TUSC3: variants seen among roughly 807,000 people sequenced by gnomAD.
The protein encoded by TUSC3 is tumor suppressor candidate 3, also known as dolichyl-diphosphooligosaccharide--protein glycosyltransferase subunit TUSC3.
TUSC3 carries 45 observed loss-of-function variants against 44.8 expected under a neutral mutation model. The ratio of observed to expected loss-of-function variants is 1.00; its 90% CI spans 0.79 to 1.29. The LOEUF is 1.29. Among genes scored for constraint, TUSC3 ranks in the 50% most tolerant of loss-of-function variants. TUSC3 has a pLI of 0.00. For synonymous variants in TUSC3, 212 were observed against 152.9 expected, an observed-to-expected ratio of 1.39 and a Z score of -2.85; for missense variants, 519 against 437.9, an observed-to-expected ratio of 1.19 and a Z score of -1.65.
intron 1 of TUSC3, among the ~76,000 whole-genome samples, chr8:15,418,368 A>G (rs1295462942): frequency 6.6e-6 from 1 of 152,202 alleles, no homozygotes; most frequent in African/African-American, 2.4e-5. Context: ...TTTCAAACAA[A>G]ATCATTTTTT....
intron 2 of TUSC3, among the ~76,000 whole-genome samples, chr8:15,639,472 A>T (rs1806261510): frequency 6.6e-6 from 1 of 152,220 alleles, no homozygotes; most frequent in Non-Finnish European, 1.5e-5. Flanking sequence ...ACGGTGCTTT[A>T]TTTCTCTAAA....
intron 2 of TUSC3, among the ~76,000 whole-genome samples, chr8:15,500,684 C>G (rs1487120212): frequency 6.6e-6 from 1 of 152,154 alleles, no homozygotes. Context: ...TCAGTAAAAA[C>G]AGCAAATCAT....
Position 15,556,087 on chromosome 8 carries a change from A to G in TUSC3, c.138+15519A>G, listed in dbSNP as rs191626449. On this transcript the variant is annotated intron_variant, in intron 1 of 10. Coordinates refer to ENST00000503731, the MANE Select transcript of TUSC3 (RefSeq NM_006765.4). ...TAGTTACATATGTATACATGTGCCA[A>G]GCTGGTGCACTGCACCCACTAACTC... 6.5e-3 allele frequency among the ~76,000 whole-genome samples: 985 copies of G among 150,654 alleles called. 26 individuals are homozygous for G. Among genetic ancestry groups the G allele is most frequent in the Middle Eastern group, 0.017 (5 of 292 alleles).
chr8:15,738,702 C>T (rs1249171521), intron 7 of TUSC3, among the ~76,000 whole-genome samples: 1 of 151,934 alleles, frequency 6.6e-6, no homozygotes, highest in Admixed American at 6.6e-5. Flanking sequence ...TCTTTCATTC[C>T]CTGCAATCAT....
intron 7 of TUSC3, among the ~76,000 whole-genome samples, chr8:15,738,827 C>CTTTTTTTTTTCTTTCTTTTTTTTTTTCTT (rs1373248681): frequency 1.1e-5 from 1 of 87,172 alleles, no homozygotes; most frequent in Middle Eastern, 0.01. Context: ...ATATATCTTG[C>CTTTTTTTTTTCTTTCTTTTTTTTTTTCTT]TTTTTTTTTT....
chr8:15,689,874 A>ATG (rs1554475591), intron 6 of TUSC3, among the ~76,000 whole-genome samples: 1 of 149,954 alleles, frequency 6.7e-6, no homozygotes, highest in African/African-American at 2.5e-5. Flanking sequence ...ATAAATATAT[A>ATG]TATATATGCA....
At chr8:15,572,242 T>C (rs921093966) in intron 1 of TUSC3, among the ~76,000 whole-genome samples, 1 of 152,210 alleles carries the variant, frequency 6.6e-6, no homozygotes, top group African/African-American at 2.4e-5. Context: ...CTGCAGCTTC[T>C]TGCAGCATAA....
rs1341480664 is a variant in TUSC3, at chr8:15,548,169, CCAAA to C, written c.138+7603_138+7606del. Among the ~76,000 whole-genome samples, 18 of 151,396 alleles carry C rather than the reference CCAAA, an allele frequency of 1.2e-4. 1 individual carries two copies. The highest frequency in any genetic ancestry group is 2.2e-4 in the Non-Finnish European group (15 of 67,792). Reference sequence around the variant, plus strand: ...GTTTATGGTAATTTGTTATAGCAGCCCAAACGAACGAAGACAATTGTATATAATT... The same window carrying C: ...GTTTATGGTAATTTGTTATAGCAGCCCGAACGAAGACAATTGTATATAATT... On this transcript the variant is annotated intron_variant, in intron 1 of 10. Transcript: ENST00000503731.
At chr8:15,615,785 C>CGTTT (rs1174432613) in intron 1 of TUSC3, among the ~76,000 whole-genome samples, 1 of 151,908 alleles carries the variant, frequency 6.6e-6, no homozygotes, top group East Asian at 1.9e-4. Flanking sequence ...AAATACAGGA[C>CGTTT]GTTTATACAC....
intron 1 of TUSC3, among the ~76,000 whole-genome samples, chr8:15,459,852 G>A (rs899796024): frequency 2.8e-5 from 4 of 143,444 alleles, no homozygotes; most frequent in East Asian, 2.0e-4. Flanking sequence ...GTGTGTGTGT[G>A]TGTATGTGTG....
At chr8:15,535,206 C>T (rs532668692) in intron 2 of TUSC3, among the ~76,000 whole-genome samples, 1 of 152,136 alleles carries the variant, frequency 6.6e-6, no homozygotes, top group East Asian at 1.9e-4. Flanking sequence ...CTTGTAAAAC[C>T]ATTGAGACTA....
chr8:15,628,050 A>T (rs1466221349), intron 2 of TUSC3, among the ~76,000 whole-genome samples: 1 of 152,204 alleles, frequency 6.6e-6, no homozygotes, highest in Non-Finnish European at 1.5e-5. Context: ...AAAATACCTT[A>T]GTTGCCATTT....
At chr8:15,760,851 C>G (rs934824071) in intron 10 of TUSC3, among the ~76,000 whole-genome samples, 1 of 152,152 alleles carries the variant, frequency 6.6e-6, no homozygotes, top group Non-Finnish European at 1.5e-5. Flanking sequence ...ACTTTCATAC[C>G]TTTCCTCATC....
chr8:15,663,379 G>T (rs192783444), intron 5 of TUSC3, among the ~76,000 whole-genome samples: 237 of 151,778 alleles, frequency 1.6e-3, no homozygotes, highest in African/African-American at 5.5e-3. Flanking sequence ...ATTGTTTACA[G>T]CTAATTGTCA....
intron 1 of TUSC3, among the ~76,000 whole-genome samples, chr8:15,598,328 T>G (rs1804150624): frequency 6.6e-6 from 1 of 151,992 alleles, no homozygotes; most frequent in Non-Finnish European, 1.5e-5. Context: ...TAGATTTAGA[T>G]TCACAGCAAA....
rs548007792 is a variant in TUSC3, at chr8:15,545,832, G to A, written c.138+5264G>A. Among the ~76,000 whole-genome samples, 4 of 151,836 alleles carry A rather than the reference G, an allele frequency of 2.6e-5. 1 individual carries two copies. In the East Asian group the frequency reaches 7.8e-4, roughly 30 times the overall value. On this transcript the variant is annotated intron_variant, in intron 1 of 10. Coordinates refer to ENST00000503731, the MANE Select transcript of TUSC3 (RefSeq NM_006765.4). ...ATATTCATCGATTTTAGATGTGAGT[G>A]TGGTCTGTTATGCCTGTGACTGCTG...
At chr8:15,469,211 G>A (rs1216369311) in intron 1 of TUSC3, among the ~76,000 whole-genome samples, 2 of 152,160 alleles carry the variant, frequency 1.3e-5, no homozygotes. Context: ...ACACTGTCTA[G>A]AGAATGAGAA....
rs547260653 is a variant in TUSC3, at chr8:15,429,860, C to G, written n.91+12555C>G. Among the ~76,000 whole-genome samples the G allele has an allele frequency of 7.6e-4, 115 of 151,722 alleles. 2 individuals carry two copies. The highest frequency in any genetic ancestry group is 2.8e-3 in the African/African-American group (114 of 41,086). On this transcript the variant is annotated intron_variant and non_coding_transcript_variant, in intron 1 of 5. Coordinates refer to the TUSC3 transcript ENST00000503191. ...AGAGAATACTATAAACACCTCTATG[C>G]AAATAAACTAGAAAATCTAGAAGAA...
intron 1 of TUSC3, among the ~76,000 whole-genome samples, chr8:15,437,027 C>G (rs1265787973): frequency 6.6e-6 from 1 of 152,094 alleles, no homozygotes; most frequent in East Asian, 1.9e-4. Context: ...GAAATGGGAA[C>G]AATTTTCTCA....
Sources: allele counts gnomAD v4.1 joint callset (sites outside exome capture counted in the v4.1 genomes callset), GRCh38; gene constraint gnomAD v4.1.1; transcripts MANE v1.5; gene names NCBI Gene and HGNC (gene_info 2026-07-23, HGNC 2026-07-21).